CLSTN2: variants seen among roughly 807,000 people sequenced by gnomAD.
CLSTN2 encodes calsyntenin-2.
Under a neutral mutation model 101.2 loss-of-function variants are expected in CLSTN2, and 48 were observed. The observed-to-expected ratio is 0.47, with a 90% CI of 0.38 to 0.60. The LOEUF is 0.60. Among genes scored for constraint, CLSTN2 ranks in the 20% least tolerant of loss-of-function variants. CLSTN2 has a pLI of 0.00. For synonymous variants in CLSTN2, 481 were observed against 463.6 expected (o/e 1.04, Z -0.48); for missense variants, 1,160 against 1,238.2 (o/e 0.94, Z 0.95).
At chr3:140,008,581 G>A (rs1248568627) in intron 1 of CLSTN2, among the ~76,000 whole-genome samples, 1 of 152,234 alleles carries the variant, frequency 6.6e-6, no homozygotes, top group African/African-American at 2.4e-5. Flanking sequence ...CCGCCATTTG[G>A]CCAGCTCTCC....
chr3:140,169,582 T>C (rs2010182353), intron 1 of CLSTN2, among the ~76,000 whole-genome samples: 1 of 152,212 alleles, frequency 6.6e-6, no homozygotes, highest in Admixed American at 6.6e-5. Flanking sequence ...CACCATTAAG[T>C]ATGATATTAG....
chr3:140,094,189 C>G (rs1459200630), intron 1 of CLSTN2, among the ~76,000 whole-genome samples: 2 of 152,164 alleles, frequency 1.3e-5, no homozygotes, highest in African/African-American at 4.8e-5. Flanking sequence ...ATTTGACAGT[C>G]AGATCTTCCC....
In CLSTN2 at chr3:140,573,595, ACTC is replaced by A. The variant is rs1233936972; in HGVS notation, c.*7348_*7350del. On this transcript the variant is annotated 3_prime_UTR_variant, in exon 17 of 17. Transcript: ENST00000458420. ...TTTGTCAGTCGTGTACACCTAACTGACTCCTCCTACGAGGTACAGTCTCCTCAT... is the reference window on the plus strand; with the variant it reads ...TTTGTCAGTCGTGTACACCTAACTGACTCCTACGAGGTACAGTCTCCTCAT... 1 of 151,436 alleles carries A rather than the reference ACTC, an allele frequency of 6.6e-6. No homozygotes were observed. Among genetic ancestry groups the A allele is most frequent in the African/African-American group, 2.4e-5 (1 of 41,144 alleles). The allele number at this position is 151,436 out of a possible 1,614,324, so 9.4% of individuals were successfully genotyped here.
At chr3:140,070,703 G>C (rs1259871187) in intron 1 of CLSTN2, among the ~76,000 whole-genome samples, 1 of 152,038 alleles carries the variant, frequency 6.6e-6, no homozygotes, top group African/African-American at 2.4e-5. Context: ...TTTCTTGGTG[G>C]GAAGAGTTTC....
intron 5 of CLSTN2, 21 bp from the exon 6 acceptor site, chr3:140,448,498 A>G (rs774629532): frequency 8.2e-6 from 13 of 1,592,882 alleles, no homozygotes; most frequent in Admixed American, 1.7e-5. Flanking sequence ...TTCACTTTTC[A>G]TCCTTTCCTT....
At chr3:139,983,982 C>A (rs1935980461) in intron 1 of CLSTN2, among the ~76,000 whole-genome samples, 1 of 152,124 alleles carries the variant, frequency 6.6e-6, no homozygotes, top group Non-Finnish European at 1.5e-5. Flanking sequence ...TCATTCCTTA[C>A]ATTTCTTTCT....
At chr3:140,036,462 T>C (rs1203688384) in intron 1 of CLSTN2, among the ~76,000 whole-genome samples, 1 of 152,110 alleles carries the variant, frequency 6.6e-6, no homozygotes, top group South Asian at 2.1e-4. Flanking sequence ...ATCTCTACCT[T>C]TTCTAGTTGA....
At chr3:140,212,310 C>G (rs765485895) in intron 2 of CLSTN2, among the ~76,000 whole-genome samples, 4 of 152,210 alleles carry the variant, frequency 2.6e-5, no homozygotes, top group African/African-American at 7.2e-5. Flanking sequence ...GAGCTGGTGA[C>G]TGATGACAGA....
intron 2 of CLSTN2, among the ~76,000 whole-genome samples, chr3:140,276,800 A>G (rs1487266527): frequency 6.6e-6 from 1 of 152,230 alleles, no homozygotes; most frequent in African/African-American, 2.4e-5. Flanking sequence ...GGATGGGGGA[A>G]GTCAAAGTAT....
chr3:139,987,751 G>A (rs1936050655), intron 1 of CLSTN2, among the ~76,000 whole-genome samples: 1 of 152,138 alleles, frequency 6.6e-6, no homozygotes, highest in Non-Finnish European at 1.5e-5. Flanking sequence ...GATCTGCTGA[G>A]GTACCAGGCA....
chr3:140,503,439 C>G (rs1052854921), intron 8 of CLSTN2, among the ~76,000 whole-genome samples: 2 of 152,148 alleles, frequency 1.3e-5, no homozygotes, highest in African/African-American at 4.8e-5. Flanking sequence ...AGGTCCATAG[C>G]CTAGGAGCAA....
At chr3:140,458,570 C>T (rs996307086) in intron 6 of CLSTN2, among the ~76,000 whole-genome samples, 5 of 152,120 alleles carry the variant, frequency 3.3e-5, no homozygotes, top group African/African-American at 1.2e-4. Flanking sequence ...CAGTTGTCGC[C>T]TCTCACCTCA....
chr3:140,466,622 A>G lies in CLSTN2; in HGVS notation c.1235A>G (p.His412Arg). 6.2e-7 allele frequency: 1 copy of G among 1,614,166 alleles called. No homozygotes were observed. Among genetic ancestry groups the G allele is most frequent in the Non-Finnish European group, 8.5e-7 (1 of 1,180,006 alleles). Residue 412 changes from histidine (H) to arginine (R), a missense_variant, in exon 8 of 17, where the codon CAT (histidine) becomes CGT (arginine). Coordinates refer to ENST00000458420, the MANE Select transcript of CLSTN2 (RefSeq NM_022131.3). ...TTCTGCTTTTCAGAAATGAACCGGC[A>G]TCACTATGCCCTGTATGTGCACAAC... Reference protein sequence around the residue: ...CNSDKTEMNRHHYALYVHNCR... With the variant: ...CNSDKTEMNRRHYALYVHNCR...
intron 1 of CLSTN2, among the ~76,000 whole-genome samples, chr3:140,149,431 G>A (rs1047897945): frequency 6.6e-5 from 10 of 150,590 alleles, no homozygotes; most frequent in Admixed American, 6.0e-4. Flanking sequence ...AAAATATAGA[G>A]CATCCAGTTA....
intron 1 of CLSTN2, among the ~76,000 whole-genome samples, chr3:140,058,042 A>G (rs2008132058): frequency 6.6e-6 from 1 of 152,172 alleles, no homozygotes; most frequent in Non-Finnish European, 1.5e-5. Context: ...CCATTTCATT[A>G]GTAACCTGAA....
chr3:140,442,797 A>G (rs932686992), intron 5 of CLSTN2, among the ~76,000 whole-genome samples: 3 of 152,056 alleles, frequency 2.0e-5, no homozygotes, highest in Admixed American at 2.0e-4. Context: ...TTAAATCCAA[A>G]CCTCTTACCC....
intron 1 of CLSTN2, among the ~76,000 whole-genome samples, chr3:140,034,608 T>C (rs576327380): frequency 2.6e-5 from 4 of 152,262 alleles, no homozygotes; most frequent in Non-Finnish European, 1.5e-5. Context: ...CCTGCCTTCC[T>C]CTCTTTTGCC....
chr3:140,352,015 C>A (rs970139007), intron 2 of CLSTN2, among the ~76,000 whole-genome samples: 1 of 152,082 alleles, frequency 6.6e-6, no homozygotes, highest in African/African-American at 2.4e-5. Flanking sequence ...GAGTAATATA[C>A]CTTGGCAAGA....
chr3:140,346,322 A>T (rs1035706816), intron 2 of CLSTN2, among the ~76,000 whole-genome samples: 14 of 152,182 alleles, frequency 9.2e-5, no homozygotes, highest in Non-Finnish European at 1.9e-4. Context: ...GGGTATTCTC[A>T]TTTAGGAAAG....
Sources: allele counts gnomAD v4.1 joint callset (sites outside exome capture counted in the v4.1 genomes callset), GRCh38; gene constraint gnomAD v4.1.1; transcripts MANE v1.5; gene names NCBI Gene and HGNC (gene_info 2026-07-23, HGNC 2026-07-21).